The following NRG3 variants were observed in gnomAD, a reference collection of about 807,000 sequenced individuals.
NRG3 encodes neuregulin 3, also known as pro-neuregulin-3, membrane-bound isoform.
In NRG3, 31 loss-of-function variants were observed where a neutral mutation model predicts 66.9. That is an observed-to-expected ratio of 0.46 (90% CI 0.35 to 0.63). NRG3 has a LOEUF of 0.63. NRG3 is among the 20% of genes least tolerant of loss of function. The probability of loss-of-function intolerance (pLI) is 0.00; values close to 1 mark genes in which losing one functional copy is unlikely to be tolerated. For missense variants in NRG3, 910 were observed against 878.9 expected (o/e 1.04, Z -0.45); for synonymous variants, 393 against 359.4 (o/e 1.09, Z -1.06).
At chr10:82,752,007 A>G (rs1162059172) in intron 3 of NRG3, among the ~76,000 whole-genome samples, 1 of 152,088 alleles carries the variant, frequency 6.6e-6, no homozygotes, top group East Asian at 1.9e-4. Flanking sequence ...CTTCCATTAC[A>G]TCAGGCACTC....
At chr10:82,920,131 T>C (rs977724926) in intron 4 of NRG3, among the ~76,000 whole-genome samples, 2 of 152,198 alleles carry the variant, frequency 1.3e-5, no homozygotes, top group African/African-American at 4.8e-5. Context: ...CCTGAGTTTG[T>C]GAAAATGAAT....
chr10:82,148,520 T>C (rs2070435785), intron 1 of NRG3, among the ~76,000 whole-genome samples: 4 of 152,126 alleles, frequency 2.6e-5, no homozygotes, highest in Non-Finnish European at 4.4e-5. Flanking sequence ...TTTTTTTTCC[T>C]ACCTATTTGT....
chr10:82,274,040 C>T (rs570355251), intron 1 of NRG3, among the ~76,000 whole-genome samples: 7 of 152,046 alleles, frequency 4.6e-5, no homozygotes, highest in East Asian at 1.9e-4. Context: ...GATCCAGTTG[C>T]GCCTGCCTCA....
At chr10:82,851,712 G>T (rs2063568581) in intron 3 of NRG3, among the ~76,000 whole-genome samples, 3 of 148,400 alleles carry the variant, frequency 2.0e-5, no homozygotes, top group Admixed American at 6.9e-5. Flanking sequence ...TTGAACAAAA[G>T]TTCGAAAGTC....
intron 1 of NRG3, among the ~76,000 whole-genome samples, chr10:81,894,905 C>T (rs780263764): frequency 1.1e-4 from 16 of 152,172 alleles, no homozygotes; most frequent in Non-Finnish European, 1.6e-4. Flanking sequence ...ACCATGGAAA[C>T]CCAGTGCATG....
chr10:82,156,473 A>G (rs2071193514), intron 1 of NRG3, among the ~76,000 whole-genome samples: 1 of 151,712 alleles, frequency 6.6e-6, no homozygotes, highest in African/African-American at 2.4e-5. Flanking sequence ...GTTCCTGGCA[A>G]GAACAGGTAC....
chr10:82,745,086 G>C (rs901620495), intron 3 of NRG3, among the ~76,000 whole-genome samples: 1 of 152,122 alleles, frequency 6.6e-6, no homozygotes, highest in Non-Finnish European at 1.5e-5. Flanking sequence ...AGACATGATT[G>C]CTAAGGAAAT....
intron 4 of NRG3, among the ~76,000 whole-genome samples, chr10:82,881,394 C>G (rs1044441855): frequency 6.6e-6 from 1 of 152,200 alleles, no homozygotes; most frequent in African/African-American, 2.4e-5. Flanking sequence ...GTGTCTTTAT[C>G]TGTTCACTAC....
chr10:82,435,779 C>CTTTTTTTTTTTTT (rs1158502018), intron 2 of NRG3, among the ~76,000 whole-genome samples: 3 of 108,272 alleles, frequency 2.8e-5, no homozygotes, highest in African/African-American at 7.3e-5. Flanking sequence ...CTTTTCTTTT[C>CTTTTTTTTTTTTT]TTTTTTTTTT....
intron 1 of NRG3, among the ~76,000 whole-genome samples, chr10:82,325,189 T>A (rs1244711132): frequency 1.4e-5 from 2 of 143,882 alleles, no homozygotes; most frequent in East Asian, 3.9e-4. Flanking sequence ...TCTTTCTTCC[T>A]TTTTTTTTTG....
intron 2 of NRG3, among the ~76,000 whole-genome samples, chr10:82,677,046 C>CTT (rs1275476413): frequency 7.2e-5 from 10 of 139,264 alleles, no homozygotes; most frequent in African/African-American, 2.7e-4. Context: ...TTCTTTCTTT[C>CTT]TCTCTCTCTC....
At chr10:82,525,103 T>C (rs1040344068) in intron 2 of NRG3, among the ~76,000 whole-genome samples, 2 of 151,868 alleles carry the variant, frequency 1.3e-5, no homozygotes, top group Non-Finnish European at 1.5e-5. Flanking sequence ...GATTAGCTTA[T>C]CTCGATCAAT....
At chr10:82,093,625 C>T (rs1235842034) in intron 1 of NRG3, among the ~76,000 whole-genome samples, 2 of 152,276 alleles carry the variant, frequency 1.3e-5, no homozygotes, top group African/African-American at 4.8e-5. Flanking sequence ...CAACAACCCA[C>T]TTCTTGTATC....
intron 1 of NRG3, among the ~76,000 whole-genome samples, chr10:82,308,311 A>G (rs552398676): frequency 9.9e-5 from 15 of 151,698 alleles, no homozygotes; most frequent in African/African-American, 3.1e-4. Flanking sequence ...CTGATCTCAA[A>G]CTCTTCACCT....
chr10:82,035,823 G>A (rs114718864), intron 1 of NRG3, among the ~76,000 whole-genome samples: 1,954 of 152,144 alleles, frequency 0.013, 38 homozygotes, highest in African/African-American at 0.045. Flanking sequence ...AACTTTTTGT[G>A]AATAAAGTAA....
chr10:81,891,845 G>T (rs1347402706), intron 1 of NRG3, among the ~76,000 whole-genome samples: 1 of 152,122 alleles, frequency 6.6e-6, no homozygotes, highest in African/African-American at 2.4e-5. Context: ...ACAAGATGTG[G>T]CAAAGATTCC....
intron 1 of NRG3, among the ~76,000 whole-genome samples, chr10:81,955,159 T>C (rs1032814755): frequency 2.0e-5 from 3 of 147,998 alleles, no homozygotes; most frequent in African/African-American, 7.4e-5. Flanking sequence ...ATAGAATATA[T>C]AATATATATA....
At chr10:82,067,505 G>A (rs930260113) in intron 1 of NRG3, among the ~76,000 whole-genome samples, 1 of 152,142 alleles carries the variant, frequency 6.6e-6, no homozygotes, top group Non-Finnish European at 1.5e-5. Flanking sequence ...CTGCCACCAT[G>A]TCTGGCTAAT....
At chr10:82,904,811 C>G (rs1458043236) in intron 4 of NRG3, among the ~76,000 whole-genome samples, 2 of 152,094 alleles carry the variant, frequency 1.3e-5, no homozygotes, top group African/African-American at 4.8e-5. Context: ...ACAAAAATAG[C>G]ATCGACTATT....
Sources: gnomAD v4.1 joint callset for allele counts (sites outside exome capture counted in the v4.1 genomes callset) on GRCh38, gnomAD v4.1.1 for gene constraint, MANE v1.5 for transcripts, NCBI Gene and HGNC (gene_info 2026-07-23, HGNC 2026-07-21) for gene names.